The following THSD7B variants were observed in gnomAD, a reference collection of about 807,000 sequenced individuals.
THSD7B encodes thrombospondin type 1 domain containing 7B.
THSD7B carries 138 observed loss-of-function variants against 213.6 expected under a neutral mutation model. The observed-to-expected ratio is 0.65, with a 90% CI of 0.56 to 0.74. THSD7B has a LOEUF of 0.74. Among genes scored for constraint, THSD7B ranks in the 30% least tolerant of loss-of-function variants. The pLI, the probability that THSD7B is intolerant of heterozygous loss-of-function variation, is 0.00. For missense variants in THSD7B, 1,931 were observed against 1,991.5 expected (o/e 0.97, Z 0.58); for synonymous variants, 742 against 687.0 (o/e 1.08, Z -1.25).
At chr2:137,331,858 G>GC (rs1684517849) in intron 12 of THSD7B, among the ~76,000 whole-genome samples, 1 of 152,204 alleles carries the variant, frequency 6.6e-6, no homozygotes, top group Admixed American at 6.5e-5. Context: ...CGGGTGCTAA[G>GC]CCCCTCATTG....
intron 14 of THSD7B, among the ~76,000 whole-genome samples, chr2:137,445,090 C>A (rs1486736572): frequency 6.6e-6 from 1 of 151,676 alleles, no homozygotes; most frequent in Non-Finnish European, 1.5e-5. Context: ...TGGCTATTAT[C>A]AAAAAGGTAG....
chr2:136,840,335 C>T (rs960588101), intron 1 of THSD7B, among the ~76,000 whole-genome samples: 10 of 151,970 alleles, frequency 6.6e-5, no homozygotes, highest in Admixed American at 2.0e-4. Context: ...GCTGAGATTG[C>T]GCCATTGCAC....
At chr2:137,470,960 C>G (rs1688083170) in intron 15 of THSD7B, among the ~76,000 whole-genome samples, 1 of 140,604 alleles carries the variant, frequency 7.1e-6, no homozygotes, top group Non-Finnish European at 1.5e-5. Context: ...CACTTCATCA[C>G]TCAGGCTGGA....
intron 15 of THSD7B, among the ~76,000 whole-genome samples, chr2:137,521,215 A>C (rs1680177904): frequency 6.6e-6 from 1 of 152,204 alleles, no homozygotes; most frequent in Non-Finnish European, 1.5e-5. Flanking sequence ...GAGATTCTAT[A>C]GTCCTTACTT....
At chr2:137,354,707 T>C (rs938771159) in intron 12 of THSD7B, among the ~76,000 whole-genome samples, 4 of 152,150 alleles carry the variant, frequency 2.6e-5, no homozygotes, top group African/African-American at 9.7e-5. Context: ...TATAGTAATC[T>C]TGCATTTTTT....
intron 10 of THSD7B, among the ~76,000 whole-genome samples, chr2:137,263,575 G>A (rs575102366): frequency 3.9e-5 from 6 of 152,056 alleles, no homozygotes; most frequent in Middle Eastern, 3.4e-3. Flanking sequence ...CATTTTTTCA[G>A]GCAGTATTTC....
intron 2 of THSD7B, among the ~76,000 whole-genome samples, chr2:136,936,497 G>A (rs967799549): frequency 2.6e-5 from 4 of 152,142 alleles, no homozygotes; most frequent in African/African-American, 4.8e-5. Flanking sequence ...GCCATAAAAA[G>A]GAATGAATTA....
chr2:137,385,301 A>G (rs558268918), intron 12 of THSD7B, among the ~76,000 whole-genome samples: 3 of 152,372 alleles, frequency 2.0e-5, no homozygotes, highest in African/African-American at 7.2e-5. Context: ...GTATCAACCC[A>G]TGATGAAATA....
intron 12 of THSD7B, among the ~76,000 whole-genome samples, chr2:137,384,233 A>G (rs1685843807): frequency 6.6e-6 from 1 of 152,190 alleles, no homozygotes; most frequent in Admixed American, 6.5e-5. Context: ...GACACAAGCC[A>G]GTCACAGGCT....
intron 1 of THSD7B, among the ~76,000 whole-genome samples, chr2:136,779,791 C>T (rs1029149339): frequency 2.6e-5 from 4 of 152,122 alleles, no homozygotes; most frequent in African/African-American, 9.7e-5. Context: ...TGTGCACAGA[C>T]CCATTTGGTC....
chr2:137,242,471 C>T lies in THSD7B; in HGVS notation c.2165C>T (p.Thr722Ile). ...CACATTGACAGATGTCCAGATTCTA[C>T]TCGACCTGAAACTGTGCGCCCCTGT... ...QVMTKRCPDS[T>I]RPETVRPCFL... The change falls in exon 10 of 28, where the codon ACT (threonine) becomes ATT (isoleucine). Residue 722 changes from threonine (T) to isoleucine (I), a missense_variant. Transcript: ENST00000409968. 6.2e-7 allele frequency: 1 copy of T among 1,613,702 alleles called. No homozygotes were observed. Among genetic ancestry groups the T allele is most frequent in the South Asian group, 1.1e-5 (1 of 91,076 alleles).
rs1040645574 is a variant in THSD7B, at chr2:137,632,122, C to T, written c.3800-10366C>T. 2.6e-5 allele frequency among the ~76,000 whole-genome samples: 4 copies of T among 152,240 alleles called. 1 individual carries two copies. The South Asian group carries it at 6.2e-4, about 24-fold the overall frequency. ...ATCTCCAAAGCCCCCATTTGTTCCACTATGATCGTGTACATCTGACACTCT... is the reference window on the plus strand; with the variant it reads ...ATCTCCAAAGCCCCCATTTGTTCCATTATGATCGTGTACATCTGACACTCT... On this transcript the variant is annotated intron_variant, in intron 20 of 27. Coordinates refer to ENST00000409968, the MANE Select transcript of THSD7B (RefSeq NM_001316349.2).
At chr2:137,461,936 G>A (rs1644711253) in intron 15 of THSD7B, among the ~76,000 whole-genome samples, 1 of 152,050 alleles carries the variant, frequency 6.6e-6, no homozygotes, top group Non-Finnish European at 1.5e-5. Context: ...TATCAAATAT[G>A]GTGTCTGTTA....
intron 12 of THSD7B, among the ~76,000 whole-genome samples, chr2:137,284,088 G>A (rs1197963903): frequency 6.6e-6 from 1 of 152,040 alleles, no homozygotes; most frequent in Non-Finnish European, 1.5e-5. Context: ...CCTGTTATTG[G>A]TCTATTCAGA....
chr2:137,495,837 A>G (rs914075172), intron 15 of THSD7B, among the ~76,000 whole-genome samples: 3 of 152,156 alleles, frequency 2.0e-5, no homozygotes, highest in Admixed American at 6.5e-5. Flanking sequence ...TAACTTTTCA[A>G]TGACATATTC....
intron 7 of THSD7B, among the ~76,000 whole-genome samples, chr2:137,230,199 T>C (rs1023008491): frequency 1.3e-5 from 2 of 152,210 alleles, no homozygotes; most frequent in South Asian, 4.1e-4. Flanking sequence ...ATTTGAAATA[T>C]TTTTCCATTA....
At chr2:136,844,460 A>AAGAG (rs1682968198) in intron 1 of THSD7B, among the ~76,000 whole-genome samples, 1 of 77,986 alleles carries the variant, frequency 1.3e-5, no homozygotes, top group Non-Finnish European at 3.3e-5. Flanking sequence ...GGCCACCCAA[A>AAGAG]ACAGAGAGAG....
intron 1 of THSD7B, among the ~76,000 whole-genome samples, chr2:136,853,178 A>G (rs1683128078): frequency 6.6e-6 from 1 of 152,044 alleles, no homozygotes; most frequent in Non-Finnish European, 1.5e-5. Context: ...CAACCCTGGT[A>G]TACTGTTTTC....
Position 137,411,744 on chromosome 2 carries a change from G to T in THSD7B, c.2831G>T (p.Arg944Met), listed in dbSNP as rs897383160. The T allele has an allele frequency of 3.1e-6, 5 of 1,613,860 alleles. No individual in the cohort carries two copies. The highest frequency in any genetic ancestry group is 2.2e-5 in the South Asian group (2 of 91,088). The change falls in exon 14 of 28, where the codon AGG (arginine) becomes ATG (methionine). Residue 944 changes from arginine (R) to methionine (M), a missense_variant. By Grantham distance (91) the Arg-to-Met change is moderately conservative (BLOSUM62 -1). Coordinates refer to ENST00000409968, the MANE Select transcript of THSD7B (RefSeq NM_001316349.2). ...WSDCILPEGRREPHRGLRVQA... is the reference protein window; with the variant it reads ...WSDCILPEGRMEPHRGLRVQA... ...GATTGCATTCTTCCAGAAGGCAGAA[G>T]GGAGCCTCACCGAGGACTGCGGGTA...
Sources: gnomAD v4.1 joint callset for allele counts (sites outside exome capture counted in the v4.1 genomes callset) on GRCh38, gnomAD v4.1.1 for gene constraint, MANE v1.5 for transcripts, NCBI Gene and HGNC (gene_info 2026-07-23, HGNC 2026-07-21) for gene names.